Variants in MCMBP observed in about 807,000 individuals in gnomAD.
The protein encoded by MCMBP is mini-chromosome maintenance complex-binding protein.
Under a neutral mutation model 81.3 loss-of-function variants are expected in MCMBP, and 31 were observed. The ratio of observed to expected loss-of-function variants is 0.38; its 90% CI spans 0.29 to 0.51. The LOEUF (loss-of-function observed/expected upper bound fraction) is 0.51. Ranked by LOEUF, MCMBP falls within the 20% of genes least tolerant of loss-of-function variation. MCMBP has a pLI of 0.87. For missense variants in MCMBP, 645 were observed against 772.1 expected (o/e 0.84, Z 1.95); for synonymous variants, 267 against 275.9 (o/e 0.97, Z 0.32).
intron 11 of MCMBP, 26 bp from the exon 12 acceptor site, chr10:119,838,726 C>A (rs1396280391): frequency 1.9e-6 from 3 of 1,574,530 alleles, no homozygotes; most frequent in African/African-American, 1.3e-5. Context: ...TTTTAGTGAA[C>A]AAGAATTTAA....
At chr10:119,831,623 ATT>A (rs1852039283) in intron 15 of MCMBP, 23 bp from the exon 16 acceptor site, 3 of 1,607,204 alleles carry the variant, frequency 1.9e-6, no homozygotes, top group Non-Finnish European at 2.5e-6. Flanking sequence ...ACAGAAACAA[ATT>A]TAAGTCTAGA....
Position 119,858,932 on chromosome 10 carries a change from C to T in MCMBP, c.286-7G>A. The T allele has an allele frequency of 1.2e-6, 2 of 1,611,448 alleles. No individual in the cohort carries two copies. Among genetic ancestry groups the T allele is most frequent in the Non-Finnish European group, 1.7e-6 (2 of 1,178,968 alleles). On this transcript the variant is annotated splice_region_variant and splice_polypyrimidine_tract_variant and intron_variant, in intron 3 of 15. Transcript: ENST00000369077. ...ATTTTCCAAAATGAAGAACCTATGACCCCAAACATAGAAAAACAGAATTAT... is the reference window on the plus strand; with the variant it reads ...ATTTTCCAAAATGAAGAACCTATGATCCCAAACATAGAAAAACAGAATTAT...
chr10:119,870,369 C>T (rs903506542), intron 1 of MCMBP, among the ~76,000 whole-genome samples: 2 of 152,078 alleles, frequency 1.3e-5, no homozygotes, highest in African/African-American at 2.4e-5. Flanking sequence ...ATCGCTTCAA[C>T]CCAGGAGGCG....
Position 119,829,503 on chromosome 10 carries a change from A to G in MCMBP, c.*1971T>C, listed in dbSNP as rs1290182134. 1 of 152,262 alleles carries G rather than the reference A, an allele frequency of 6.6e-6. No homozygotes were observed. The highest frequency in any genetic ancestry group is 1.9e-4 in the East Asian group (1 of 5,204). 9.4% of individuals were successfully genotyped at this position (152,262 alleles called of 1,614,324 possible). The stretch of plus-strand genomic sequence containing the variant: ...GGCAAAGTTCCAAACAGGGTTACAC[A>G]GGAGTCTACTCAGTTTCCTGGCCAT... On this transcript the variant is annotated 3_prime_UTR_variant, in exon 16 of 16. Transcript: ENST00000369077.
intron 1 of MCMBP, among the ~76,000 whole-genome samples, chr10:119,862,083 G>C (rs1299563409): frequency 6.6e-6 from 1 of 152,152 alleles, no homozygotes; most frequent in Non-Finnish European, 1.5e-5. Flanking sequence ...AAGGCAGGCG[G>C]ATCACCTGAG....
chr10:119,832,032 G>A lies in MCMBP; in HGVS notation c.1776C>T (p.His592=). 2 of 1,612,442 alleles carry A rather than the reference G, an allele frequency of 1.2e-6. No homozygotes were observed. Among genetic ancestry groups the A allele is most frequent in the Non-Finnish European group, 1.7e-6 (2 of 1,179,502 alleles). ...CTTACCGAGCCACCACGAGCAGCTG[G>A]TGAAGATCATCAGCAGTGATGCTCT... ...DPQSITADDL[H]QLLVVARCLS... The change falls in exon 15 of 16, where the codon CAC becomes CAT. Residue 592 remains histidine (H), a synonymous_variant. Coordinates refer to ENST00000369077, the MANE Select transcript of MCMBP (RefSeq NM_001256378.2).
At position 119,831,527 on chromosome 10, in the gene MCMBP, A is replaced by G. The variant is rs1449979119; in HGVS notation, c.1870T>C (p.Leu624=). 1 of 1,614,100 alleles carries G rather than the reference A, an allele frequency of 6.2e-7. No homozygotes were observed. Residue 624 remains leucine (L), a synonymous_variant, in exon 16 of 16, where the codon TTA becomes CTA. Coordinates refer to ENST00000369077, the MANE Select transcript of MCMBP (RefSeq NM_001256378.2). Reference sequence around the variant, plus strand: ...TGCTGCTGAAGCCTCGTTCTTCTTAAAGACTCTAGCTGCTTTGCTCTCAGC... The same window carrying G: ...TGCTGCTGAAGCCTCGTTCTTCTTAGAGACTCTAGCTGCTTTGCTCTCAGC... ...RWLRAKQLES[L]RRTRLQQQKC...
intron 9 of MCMBP, chr10:119,842,836 C>G (rs1042081554): frequency 2.5e-6 from 1 of 405,194 alleles, no homozygotes; most frequent in South Asian, 2.3e-5. Context: ...GCCATCTCAG[C>G]TCACCGCAAC....
In MCMBP at chr10:119,859,871, A is replaced by G. The variant is rs1032879838; in HGVS notation, c.72T>C (p.Val24=). ...IVQGFFAQNG[V]NPDWEKKVIE... The stretch of plus-strand genomic sequence containing the variant: ...TTACTTTCTTCTCCCAGTCAGGATT[A>G]ACTCCATTTTGGGCTGAAAGAGAAA... Residue 24 remains valine, a synonymous_variant, in exon 2 of 16, where the codon GTT becomes GTC. Transcript: ENST00000369077. 3 of 1,611,848 alleles carry G rather than the reference A, an allele frequency of 1.9e-6. No homozygotes were observed. The East Asian group carries it at 6.7e-5, about 36-fold the overall frequency.
At chr10:119,864,210 C>T (rs923676228) in intron 1 of MCMBP, among the ~76,000 whole-genome samples, 1 of 152,258 alleles carries the variant, frequency 6.6e-6, no homozygotes, top group Non-Finnish European at 1.5e-5. Context: ...CCTAAAGCCT[C>T]CACAATGGAA....
At chr10:119,842,766 C>CA in intron 9 of MCMBP, 171 bp from the exon 10 acceptor site, 1 of 661,278 alleles carries the variant, frequency 1.5e-6, no homozygotes, top group South Asian at 2.3e-5. Context: ...TTTGCATCCT[C>CA]CTTTTTTTTT....
Position 119,830,687 on chromosome 10 carries a change from C to G in MCMBP, c.*787G>C, listed in dbSNP as rs1394148411. On this transcript the variant is annotated 3_prime_UTR_variant, in exon 16 of 16. Coordinates refer to ENST00000369077, the MANE Select transcript of MCMBP (RefSeq NM_001256378.2). ...CTTGGTTTCTTTTGCCCCCAAAAGC[C>G]ACATTCATTCCGTTTAAAGGACTCC... 6.6e-6 allele frequency: 1 copy of G among 152,652 alleles called. No homozygotes were observed. The highest frequency in any genetic ancestry group is 2.4e-5 in the African/African-American group (1 of 41,536). The allele number at this position is 152,652 out of a possible 1,614,324, so 9.5% of individuals were successfully genotyped here. A position where few individuals can be genotyped will look rare whatever the true frequency, so the allele number is the denominator to read the frequency against.
At chr10:119,853,448 G>A (rs559136808) in intron 5 of MCMBP, among the ~76,000 whole-genome samples, 4 of 152,324 alleles carry the variant, frequency 2.6e-5, no homozygotes, top group South Asian at 2.1e-4. Flanking sequence ...CTGGACAACA[G>A]GGAGCATAAG....
At position 119,841,081 on chromosome 10, in the gene MCMBP, C is replaced by G. The variant is rs768681771; in HGVS notation, c.1125-121G>C. ...TAAAAATAAACCAGAATATTCTGAC[C>G]AGTTATTTTATCAGAATAACAGCAA... On this transcript the variant is annotated intron_variant, in intron 10 of 15. Coordinates refer to ENST00000369077, the MANE Select transcript of MCMBP (RefSeq NM_001256378.2). 2.0e-4 allele frequency: 140 copies of G among 683,286 alleles called. 1 individual carries two copies. In the Middle Eastern group the frequency reaches 6.2e-3, roughly 30 times the overall value. The allele number at this position is 683,286 out of a possible 1,614,324, so 42.3% of individuals were successfully genotyped here.
chr10:119,853,348 G>A (rs1308495799), intron 5 of MCMBP, among the ~76,000 whole-genome samples, 154 bp from the exon 6 acceptor site: 4 of 152,222 alleles, frequency 2.6e-5, no homozygotes, highest in Admixed American at 6.5e-5. Context: ...TTCTGGTCAT[G>A]AGAATAACAG....
At chr10:119,854,004 G>A (rs1362160992) in intron 5 of MCMBP, among the ~76,000 whole-genome samples, 1 of 151,926 alleles carries the variant, frequency 6.6e-6, no homozygotes, top group Admixed American at 6.6e-5. Context: ...GTTGAGAGTA[G>A]CCTGGGCAAC....
intron 8 of MCMBP, among the ~76,000 whole-genome samples, chr10:119,846,884 CTG>C (rs1036296420): frequency 1.3e-5 from 2 of 151,030 alleles, no homozygotes; most frequent in African/African-American, 4.9e-5. Context: ...TCCAGAACTA[CTG>C]GAAGACATAT....
intron 7 of MCMBP, 152 bp from the exon 8 acceptor site, chr10:119,847,865 A>T: frequency 2.1e-6 from 1 of 470,554 alleles, no homozygotes; most frequent in Non-Finnish European, 3.7e-6. Context: ...TGAGACCAAG[A>T]GTCATTCTGC....
chr10:119,834,283 T>C (rs1010196213), intron 14 of MCMBP, among the ~76,000 whole-genome samples: 1 of 152,052 alleles, frequency 6.6e-6, no homozygotes, highest in African/African-American at 2.4e-5. Flanking sequence ...GATCCACACA[T>C]AGACACATCA....
Sources: gnomAD v4.1 joint callset for allele counts (sites outside exome capture counted in the v4.1 genomes callset) on GRCh38, gnomAD v4.1.1 for gene constraint, MANE v1.5 for transcripts, NCBI Gene and HGNC (gene_info 2026-07-23, HGNC 2026-07-21) for gene names.